PPP2R2B: variants seen among roughly 807,000 people sequenced by gnomAD.
PPP2R2B encodes protein phosphatase 2 regulatory subunit Bbeta.
Under a neutral mutation model 46.0 loss-of-function variants are expected in PPP2R2B, and 5 were observed. The ratio of observed to expected loss-of-function variants is 0.11; its 90% CI spans 0.06 to 0.23. The LOEUF (loss-of-function observed/expected upper bound fraction) is 0.23. PPP2R2B is among the 10% of genes least tolerant of loss of function. The probability of loss-of-function intolerance (pLI) is 1.00; values close to 1 mark genes in which losing one functional copy is unlikely to be tolerated. For synonymous variants in PPP2R2B, 215 were observed against 206.7 expected (o/e 1.04, Z -0.34); for missense variants, 367 against 575.0 (o/e 0.64, Z 3.70).
At chr5:147,078,452 G>T in intron 2 of PPP2R2B, among the ~76,000 whole-genome samples, 1 of 152,012 alleles carries the variant, frequency 6.6e-6, no homozygotes, top group Non-Finnish European at 1.5e-5. Flanking sequence ...GGTGCCCAAA[G>T]CCAGTCCACA....
intron 1 of PPP2R2B, among the ~76,000 whole-genome samples, chr5:146,887,842 T>C (rs1398507712): frequency 6.6e-6 from 1 of 152,200 alleles, no homozygotes; most frequent in Non-Finnish European, 1.5e-5. Flanking sequence ...TTTGTAGGCA[T>C]CTAGTAGAGA....
intron 2 of PPP2R2B, among the ~76,000 whole-genome samples, chr5:146,744,730 C>T (rs1753072293): frequency 6.6e-6 from 1 of 152,192 alleles, no homozygotes; most frequent in Non-Finnish European, 1.5e-5. Context: ...ACACATTTTA[C>T]TGCAAGAAAT....
Position 146,787,627 on chromosome 5 carries a change from G to A in PPP2R2B, c.71-86485C>T, listed in dbSNP as rs113404347. On this transcript the variant is annotated intron_variant, in intron 2 of 9. Coordinates refer to ENST00000394411, the MANE Select transcript of PPP2R2B (RefSeq NM_181675.4). ...GTGTCACCCAGGCTGGAGTGCAATG[G>A]GGTGATCTCAGCTCACTGCAACCTT... is the stretch of plus-strand genomic sequence containing the variant. Among the ~76,000 whole-genome samples the A allele has an allele frequency of 3.0e-3, 458 of 152,098 alleles. 1 individual carries two copies. The highest frequency in any genetic ancestry group is 0.01 in the African/African-American group (429 of 41,472).
At chr5:146,970,584 G>A (rs1013249977) in intron 1 of PPP2R2B, among the ~76,000 whole-genome samples, 4 of 151,878 alleles carry the variant, frequency 2.6e-5, no homozygotes, top group African/African-American at 9.7e-5. Context: ...GGGGACAGAG[G>A]AGACTCAGTC....
intron 1 of PPP2R2B, among the ~76,000 whole-genome samples, chr5:146,939,875 A>G (rs537576086): frequency 6.6e-6 from 1 of 152,294 alleles, no homozygotes. Context: ...AGCTCAGCTC[A>G]TGTACAAGTT....
intron 2 of PPP2R2B, among the ~76,000 whole-genome samples, chr5:147,080,877 T>C (rs535165283): frequency 6.6e-6 from 1 of 151,600 alleles, no homozygotes; most frequent in Admixed American, 6.6e-5. Flanking sequence ...AGGAATAAAA[T>C]AAATTTCAAC....
At chr5:147,055,863 T>C (rs1757064876) in exon 1 of PPP2R2B, 1 of 1,471,514 alleles carries the variant, frequency 6.8e-7, no homozygotes, top group East Asian at 2.5e-5. Flanking sequence ...TTCCCAGATT[T>C]GCAAAGCTGG....
At chr5:146,731,348 A>G (rs945368357) in intron 2 of PPP2R2B, among the ~76,000 whole-genome samples, 3 of 152,206 alleles carry the variant, frequency 2.0e-5, no homozygotes, top group Admixed American at 6.5e-5. Flanking sequence ...TGATGCCTGG[A>G]CTTTTTCAGG....
rs1463368227 is a variant in PPP2R2B at position 146,588,036 on chromosome 5, A to T, written c.*1911T>A. ...TTCTGCAAAATCATCACTCTCTATG[A>T]CTGGCAGAAGTTTCTGACTCTCTCA... On this transcript the variant is annotated 3_prime_UTR_variant, in exon 10 of 10. Transcript: ENST00000394411. 6.6e-6 allele frequency: 1 copy of T among 152,146 alleles called. No homozygotes were observed. Among genetic ancestry groups the T allele is most frequent in the Admixed American group, 6.5e-5 (1 of 15,278 alleles). 9.4% of individuals were successfully genotyped at this position (152,146 alleles called of 1,614,324 possible).
chr5:146,871,756 G>T (rs1761628150), intron 2 of PPP2R2B, among the ~76,000 whole-genome samples: 1 of 152,180 alleles, frequency 6.6e-6, no homozygotes. Flanking sequence ...AAGAACATGT[G>T]CCAAGAATCC....
chr5:147,046,769 C>A (rs1756564473), intron 1 of PPP2R2B, among the ~76,000 whole-genome samples: 1 of 151,844 alleles, frequency 6.6e-6, no homozygotes, highest in Admixed American at 6.6e-5. Context: ...GTGGATAATA[C>A]CATGCAGACT....
At chr5:146,847,673 C>A (rs1245509713) in intron 2 of PPP2R2B, among the ~76,000 whole-genome samples, 1 of 152,192 alleles carries the variant, frequency 6.6e-6, no homozygotes, top group Non-Finnish European at 1.5e-5. Flanking sequence ...TCACCACAAA[C>A]CTGTGAGCAG....
At chr5:147,039,218 C>T (rs2151895888) in intron 1 of PPP2R2B, among the ~76,000 whole-genome samples, 1 of 152,268 alleles carries the variant, frequency 6.6e-6, no homozygotes, top group East Asian at 1.9e-4. Flanking sequence ...CATCACCCCT[C>T]AGTCACTGTA....
intron 2 of PPP2R2B, among the ~76,000 whole-genome samples, chr5:147,077,273 T>TACAC (rs1491537857): frequency 7.3e-5 from 7 of 96,308 alleles, no homozygotes; most frequent in African/African-American, 2.6e-4. Flanking sequence ...TGTATGTGTG[T>TACAC]ATACACACAC....
chr5:146,780,157 C>T (rs1367329674), intron 2 of PPP2R2B, among the ~76,000 whole-genome samples: 1 of 152,124 alleles, frequency 6.6e-6, no homozygotes, highest in Non-Finnish European at 1.5e-5. Context: ...CTTTGTAGAG[C>T]TGTGGTAGAA....
intron 1 of PPP2R2B, among the ~76,000 whole-genome samples, chr5:146,901,832 A>G (rs2151435750): frequency 6.6e-6 from 1 of 152,304 alleles, no homozygotes; most frequent in African/African-American, 2.4e-5. Flanking sequence ...TGGTTGCATT[A>G]GAAGGAAATG....
At chr5:146,975,591 C>A (rs1338822666) in intron 1 of PPP2R2B, among the ~76,000 whole-genome samples, 2 of 152,154 alleles carry the variant, frequency 1.3e-5, no homozygotes, top group East Asian at 3.9e-4. Flanking sequence ...TGCTGTTTTC[C>A]ATAGTGGTTT....
In PPP2R2B at chr5:146,888,236, C is replaced by T. The variant is rs185834626; in HGVS notation, c.79+167429G>A. Among the ~76,000 whole-genome samples the T allele has an allele frequency of 6.2e-4, 94 of 152,230 alleles. 1 individual carries two copies. Among genetic ancestry groups the T allele is most frequent in the South Asian group, 8.3e-4 (4 of 4,808 alleles). ...TGAGCATAAACCTCTCCCCAGACCT[C>T]CAGAGCAATATCACCAGCAGCCAAG... On this transcript the variant is annotated intron_variant, in intron 1 of 8. Transcript: ENST00000336640.
At chr5:147,034,993 G>A (rs1755967100) in intron 1 of PPP2R2B, among the ~76,000 whole-genome samples, 1 of 151,752 alleles carries the variant, frequency 6.6e-6, no homozygotes, top group South Asian at 2.1e-4. Context: ...GAAGAGGAAG[G>A]GAGAGAGAAC....
Sources: allele counts gnomAD v4.1 joint callset (sites outside exome capture counted in the v4.1 genomes callset), GRCh38; gene constraint gnomAD v4.1.1; transcripts MANE v1.5; gene names NCBI Gene and HGNC (gene_info 2026-07-23, HGNC 2026-07-21).